The following RHOU variants were observed in gnomAD, a reference collection of about 807,000 sequenced individuals.
RHOU encodes rho-related GTP-binding protein RhoU.
RHOU carries 8 observed loss-of-function variants against 12.6 expected under a neutral mutation model. That is an observed-to-expected ratio of 0.64 (90% confidence interval 0.37 to 1.15). The LOEUF is 1.15. Ranked by LOEUF, RHOU falls within the 50% of genes most tolerant of loss-of-function variation. The pLI is 0.01. For missense variants in RHOU, 258 were observed against 347.0 expected (o/e 0.74, Z 2.04); for synonymous variants, 161 against 147.4 (o/e 1.09, Z -0.67).
chr1:228,713,584 G>A, the RHOU span, among the ~76,000 whole-genome samples: 3 of 151,928 alleles, frequency 2.0e-5, no homozygotes, highest in Non-Finnish European at 4.4e-5. Context: ...CTCCCACCTC[G>A]GCCTCCCAAA....
At chr1:228,696,510 C>G in the RHOU span, among the ~76,000 whole-genome samples, 1 of 152,054 alleles carries the variant, frequency 6.6e-6, no homozygotes, top group Non-Finnish European at 1.5e-5. Context: ...TATTTCTCCT[C>G]TTAGTAGTTT....
At chr1:228,710,534 A>G in the RHOU span, among the ~76,000 whole-genome samples, 2 of 152,246 alleles carry the variant, frequency 1.3e-5, no homozygotes, top group Non-Finnish European at 2.9e-5. Flanking sequence ...GTAATCCAGC[A>G]TATAAACAGA....
chr1:228,650,701 T>C, the RHOU span: 1 of 482,486 alleles, frequency 2.1e-6, no homozygotes, highest in Non-Finnish European at 4.1e-6. Context: ...TCAGCCAGTG[T>C]GGAAAGCTAG....
the RHOU span, among the ~76,000 whole-genome samples, chr1:228,717,757 C>T: frequency 5.3e-5 from 8 of 152,188 alleles, no homozygotes; most frequent in East Asian, 1.9e-4. Context: ...ATGAGAGTGG[C>T]GCCCTACTTC....
chr1:228,742,933 G>GT (rs1351294975), intron 2 of RHOU, among the ~76,000 whole-genome samples: 6 of 152,158 alleles, frequency 3.9e-5, no homozygotes, highest in Non-Finnish European at 7.3e-5. Context: ...GTAGGTTTGG[G>GT]TTACACTCAG....
chr1:228,711,712 G>A, the RHOU span, among the ~76,000 whole-genome samples: 1 of 151,536 alleles, frequency 6.6e-6, no homozygotes, highest in African/African-American at 2.4e-5. Context: ...AACCCTAGAA[G>A]AAAACCTAGG....
chr1:228,711,517 T>C, the RHOU span, among the ~76,000 whole-genome samples: 2 of 152,014 alleles, frequency 1.3e-5, no homozygotes, highest in Non-Finnish European at 2.9e-5. Context: ...TATCTACAAC[T>C]ATCTGATCTG....
At chr1:228,717,308 A>T in the RHOU span, among the ~76,000 whole-genome samples, 1 of 152,354 alleles carries the variant, frequency 6.6e-6, no homozygotes, top group Middle Eastern at 3.4e-3. Context: ...GCTACCAAGA[A>T]GTACAAAGCA....
At chr1:228,736,260 CAAA>C (rs1204392489) in intron 1 of RHOU, among the ~76,000 whole-genome samples, 4 of 70,888 alleles carry the variant, frequency 5.6e-5, no homozygotes, top group East Asian at 1.0e-3. Context: ...AGAGCCTTGC[CAAA>C]AAAAAAAAAA....
At chr1:228,726,776 C>T in the RHOU span, among the ~76,000 whole-genome samples, 2 of 151,984 alleles carry the variant, frequency 1.3e-5, no homozygotes, top group Non-Finnish European at 2.9e-5. Context: ...AATAATAGCA[C>T]AGGTTTAGAT....
At chr1:228,730,464 G>A in the RHOU span, among the ~76,000 whole-genome samples, 1 of 152,144 alleles carries the variant, frequency 6.6e-6, no homozygotes, top group South Asian at 2.1e-4. Context: ...AGGATGTGCT[G>A]GGCACCGCTG....
Position 228,743,855 on chromosome 1 carries a change from T to C in RHOU, c.*115T>C. 2 of 864,702 alleles carry C rather than the reference T, an allele frequency of 2.3e-6. No homozygotes were observed. The highest frequency in any genetic ancestry group is 3.5e-6 in the Non-Finnish European group (2 of 571,424). 53.6% of individuals were successfully genotyped at this position (864,702 alleles called of 1,614,324 possible). ...CCTATATCGAGAGTGTGTGTATATG[T>C]ATTATAGGAGGAGCTCTCAATTTTA... On this transcript the variant is annotated 3_prime_UTR_variant, in exon 3 of 3. Transcript: ENST00000366691. The surrounding 1 kb of genome is among the most constrained non-coding windows in gnomAD (Gnocchi z 5.1).
chr1:228,704,450 TA>T, the RHOU span, among the ~76,000 whole-genome samples: 11 of 152,164 alleles, frequency 7.2e-5, no homozygotes, highest in Admixed American at 7.2e-4. Context: ...CAATTTTTTT[TA>T]TTTTTATTTT....
the RHOU span, among the ~76,000 whole-genome samples, chr1:228,674,490 G>A: frequency 6.6e-6 from 1 of 151,798 alleles, no homozygotes; most frequent in East Asian, 1.9e-4. Flanking sequence ...GGGATTACAG[G>A]TGCCTGCCAC....
the RHOU span, among the ~76,000 whole-genome samples, chr1:228,722,340 C>A: frequency 1.3e-5 from 2 of 152,174 alleles, no homozygotes; most frequent in African/African-American, 2.4e-5. Flanking sequence ...AGTCTTTGGG[C>A]CTCTTCTTTC....
chr1:228,733,861 C>T (rs910006882), upstream of RHOU, among the ~76,000 whole-genome samples: 8 of 152,258 alleles, frequency 5.3e-5, no homozygotes, highest in East Asian at 3.9e-4. Context: ...ACAGCCAGGG[C>T]GAGGGAGAGG....
chr1:228,676,784 A>G, the RHOU span, among the ~76,000 whole-genome samples: 1 of 152,140 alleles, frequency 6.6e-6, no homozygotes, highest in Non-Finnish European at 1.5e-5. Context: ...GGTGGGGAGA[A>G]TTACAAAGAA....
chr1:228,715,299 T>G, the RHOU span, among the ~76,000 whole-genome samples: 1 of 152,152 alleles, frequency 6.6e-6, no homozygotes, highest in Non-Finnish European at 1.5e-5. Context: ...TCATATATTC[T>G]GATACACTGT....
chr1:228,680,244 G>A, the RHOU span, among the ~76,000 whole-genome samples: 1 of 152,106 alleles, frequency 6.6e-6, no homozygotes, highest in Non-Finnish European at 1.5e-5. Context: ...GTTGGCCAGG[G>A]AACATTGGGT....
Sources: gnomAD v4.1 joint callset for allele counts (sites outside exome capture counted in the v4.1 genomes callset) on GRCh38, gnomAD v4.1.1 for gene constraint, Gnocchi (gnomAD v3.1) non-coding constraint, MANE v1.5 for transcripts, NCBI Gene and HGNC (gene_info 2026-07-23, HGNC 2026-07-21) for gene names.